Variants in ATP9B observed in about 807,000 individuals in gnomAD.
ATP9B encodes the protein probable phospholipid-transporting ATPase IIB.
In ATP9B, 110 loss-of-function variants were observed where a neutral mutation model predicts 146.1. The observed-to-expected ratio is 0.75, with a 90% CI of 0.65 to 0.88. ATP9B has a LOEUF of 0.88. Among genes scored for constraint, ATP9B ranks in the 40% least tolerant of loss-of-function variants. The pLI, the probability that ATP9B is intolerant of heterozygous loss-of-function variation, is 0.00. For synonymous variants in ATP9B, 604 were observed against 569.7 expected, an observed-to-expected ratio of 1.06 and a Z score of -0.86; for missense variants, 1,499 against 1,496.4, an observed-to-expected ratio of 1.00 and a Z score of -0.03.
At chr18:79,126,222 T>C (rs1214701940) in intron 4 of ATP9B, 45 bp from the exon 5 acceptor site, 1 of 1,488,140 alleles carries the variant, frequency 6.7e-7, no homozygotes, top group Admixed American at 1.9e-5. Flanking sequence ...TTTGTCTTTT[T>C]TGTTAAAGTT....
At chr18:79,163,045 TTAG>T (rs2094907946) in intron 7 of ATP9B, among the ~76,000 whole-genome samples, 1 of 152,226 alleles carries the variant, frequency 6.6e-6, no homozygotes, top group Non-Finnish European at 1.5e-5. Flanking sequence ...GCAGGCCAAC[TTAG>T]TAATACATTT....
At chr18:79,300,843 A>G (rs1298394683) in intron 13 of ATP9B, among the ~76,000 whole-genome samples, 1 of 152,230 alleles carries the variant, frequency 6.6e-6, no homozygotes, top group African/African-American at 2.4e-5. Flanking sequence ...TTTTAACTTT[A>G]CATATGAAAT....
chr18:79,327,453 C>T (rs115551085), intron 15 of ATP9B, among the ~76,000 whole-genome samples: 2,400 of 143,480 alleles, frequency 0.017, 70 homozygotes, highest in African/African-American at 0.061. Context: ...TAGTGTGCTC[C>T]CCATGGTTAG....
chr18:79,182,087 C>T (rs1262371473), intron 8 of ATP9B, among the ~76,000 whole-genome samples: 1 of 152,214 alleles, frequency 6.6e-6, no homozygotes, highest in African/African-American at 2.4e-5. Flanking sequence ...GTCTTCAAGG[C>T]TTGTCCTTAA....
intron 6 of ATP9B, among the ~76,000 whole-genome samples, chr18:79,152,945 C>A (rs965625639): frequency 1.3e-5 from 2 of 152,106 alleles, no homozygotes; most frequent in African/African-American, 2.4e-5. Flanking sequence ...CTAGTTTAAT[C>A]TAGTTTTATT....
chr18:79,090,918 T>A (rs773204353), intron 1 of ATP9B, among the ~76,000 whole-genome samples: 7 of 152,232 alleles, frequency 4.6e-5, no homozygotes, highest in Non-Finnish European at 1.0e-4. Context: ...GTTTGAGGTC[T>A]TAGATTTAAG....
intron 5 of ATP9B, among the ~76,000 whole-genome samples, chr18:79,128,955 C>G (rs1402048368): frequency 1.3e-5 from 2 of 152,204 alleles, no homozygotes; most frequent in African/African-American, 4.8e-5. Context: ...TCTCCCAACA[C>G]TGTAACAGGG....
intron 12 of ATP9B, among the ~76,000 whole-genome samples, chr18:79,276,092 G>T (rs2096305457): frequency 6.6e-6 from 1 of 152,318 alleles, no homozygotes; most frequent in Middle Eastern, 3.4e-3. Context: ...CATCCTGTCT[G>T]CTTTCTTGAC....
At chr18:79,338,139 T>C (rs2096837946) in intron 19 of ATP9B, among the ~76,000 whole-genome samples, 2 of 152,250 alleles carry the variant, frequency 1.3e-5, no homozygotes, top group African/African-American at 2.4e-5. Context: ...AGACGTGCAC[T>C]ACATCTGTTC....
At chr18:79,196,266 T>A (rs146792305) in intron 9 of ATP9B, among the ~76,000 whole-genome samples, 5 of 152,320 alleles carry the variant, frequency 3.3e-5, no homozygotes, top group African/African-American at 1.2e-4. Flanking sequence ...AGGTGTGTTG[T>A]ACACATGAGC....
At chr18:79,206,504 T>A (rs1277036912) in intron 9 of ATP9B, among the ~76,000 whole-genome samples, 1 of 152,080 alleles carries the variant, frequency 6.6e-6, no homozygotes, top group Non-Finnish European at 1.5e-5. Flanking sequence ...GTTAAAGATG[T>A]AGTTGAATAC....
At chr18:79,305,178 T>C (rs867395203) in intron 14 of ATP9B, among the ~76,000 whole-genome samples, 22 of 152,242 alleles carry the variant, frequency 1.4e-4, no homozygotes, top group African/African-American at 5.3e-4. Flanking sequence ...GTAATTTGTT[T>C]CAAACTTGAT....
At chr18:79,143,298 T>C (rs1023972313) in intron 5 of ATP9B, among the ~76,000 whole-genome samples, 6 of 152,240 alleles carry the variant, frequency 3.9e-5, no homozygotes, top group African/African-American at 1.2e-4. Context: ...TCACTTTTAG[T>C]AATAAAGTTT....
chr18:79,153,724 C>T (rs11878038), intron 6 of ATP9B, among the ~76,000 whole-genome samples: 10,384 of 151,106 alleles, frequency 0.069, 1,246 homozygotes, highest in African/African-American at 0.24. Flanking sequence ...GAACATGGCT[C>T]ACTGCTGCCT....
intron 11 of ATP9B, among the ~76,000 whole-genome samples, chr18:79,247,941 G>A (rs1564662): frequency 0.015 from 2,354 of 152,294 alleles, 67 homozygotes; most frequent in African/African-American, 0.054. Flanking sequence ...ATTGTCTATT[G>A]TGTAAATACA....
chr18:79,353,298 A>G (rs1413704485), intron 25 of ATP9B: 2 of 152,268 alleles, frequency 1.3e-5, no homozygotes, highest in Non-Finnish European at 2.9e-5. Flanking sequence ...TCATGCTTCC[A>G]CGCAAACCGA....
intron 7 of ATP9B, among the ~76,000 whole-genome samples, chr18:79,157,396 CAAAAAAAA>C (rs147316668): frequency 1.2e-4 from 6 of 48,596 alleles, no homozygotes; most frequent in East Asian, 1.4e-3. Flanking sequence ...AACTCCATCT[CAAAAAAAA>C]AAAAAAAAAA....
At chr18:79,094,731 A>G (rs900866683) in intron 1 of ATP9B, among the ~76,000 whole-genome samples, 3 of 152,248 alleles carry the variant, frequency 2.0e-5, no homozygotes, top group Non-Finnish European at 4.4e-5. Context: ...CACTTTGACA[A>G]GAACTCTGCA....
chr18:79,276,279 A>G (rs1476134176), intron 12 of ATP9B, among the ~76,000 whole-genome samples: 1 of 152,126 alleles, frequency 6.6e-6, no homozygotes, highest in Non-Finnish European at 1.5e-5. Context: ...GCTCCACTCC[A>G]CTGCCTCCAG....
Sources: allele counts gnomAD v4.1 joint callset (sites outside exome capture counted in the v4.1 genomes callset), GRCh38; gene constraint gnomAD v4.1.1; transcripts MANE v1.5; gene names NCBI Gene and HGNC (gene_info 2026-07-23, HGNC 2026-07-21).